PLCG2: variants seen among roughly 807,000 people sequenced by gnomAD.
PLCG2 encodes 1-phosphatidylinositol 4,5-bisphosphate phosphodiesterase gamma-2.
A neutral mutation model predicts 175.6 loss-of-function variants in PLCG2; 69 were observed. That is an observed-to-expected ratio of 0.39 (90% CI 0.32 to 0.48). The LOEUF (loss-of-function observed/expected upper bound fraction) is 0.48, where lower values mean the gene tolerates loss of function less well. PLCG2 is among the 20% of genes least tolerant of loss of function. The probability of loss-of-function intolerance (pLI) is 0.91; values close to 1 mark genes in which losing one functional copy is unlikely to be tolerated. For missense variants in PLCG2, 1,798 were observed against 1,650.9 expected (o/e 1.09, Z -1.54); for synonymous variants, 827 against 624.0 (o/e 1.33, Z -4.85).
At chr16:81,745,278 G>C (rs1423840046) in intron 1 of PLCG2, among the ~76,000 whole-genome samples, 1 of 152,200 alleles carries the variant, frequency 6.6e-6, no homozygotes, top group East Asian at 1.9e-4. Context: ...TGACCCATGA[G>C]AGGTAAGGAG....
intron 2 of PLCG2, among the ~76,000 whole-genome samples, chr16:81,839,057 T>G (rs1216155356): frequency 6.6e-6 from 1 of 152,118 alleles, no homozygotes; most frequent in Non-Finnish European, 1.5e-5. Flanking sequence ...GACAACTATT[T>G]CTAGGTAGAA....
Position 81,870,856 on chromosome 16 carries a change from TAGG to T in PLCG2, c.572_574del (p.Gly191del), listed in dbSNP as rs763410656. On this transcript the variant is annotated inframe_deletion, in exon 7 of 33. Coordinates refer to ENST00000564138, the MANE Select transcript of PLCG2 (RefSeq NM_002661.5). ...TCACTTTTTTCATATTTACAGGAAA[TAGG>T]AGCACACAAAGATGAGCTCAGCTTT... 3.4e-5 allele frequency: 54 copies of T among 1,584,890 alleles called. No homozygotes were observed. The East Asian group carries it at 1.1e-3, about 32-fold the overall frequency.
At chr16:81,785,812 C>A (rs1363844357) in intron 1 of PLCG2, 131 bp from the exon 2 acceptor site, 3 of 598,624 alleles carry the variant, frequency 5.0e-6, no homozygotes, top group African/African-American at 3.7e-5. Flanking sequence ...CGATGCCTTG[C>A]CACTAGAACC....
chr16:81,768,327 C>G (rs985907593), intron 2 of PLCG2, among the ~76,000 whole-genome samples: 1 of 152,150 alleles, frequency 6.6e-6, no homozygotes, highest in Admixed American at 6.5e-5. Context: ...TGGGTTGTTT[C>G]CAGTTTGCAG....
At chr16:81,952,557 G>A (rs1911409372) in intron 31 of PLCG2, among the ~76,000 whole-genome samples, 1 of 152,088 alleles carries the variant, frequency 6.6e-6, no homozygotes, top group South Asian at 2.1e-4. Context: ...CACATCAAAG[G>A]GGCCTAGGAA....
At chr16:81,783,669 C>G (rs1010406457) in intron 1 of PLCG2, among the ~76,000 whole-genome samples, 13 of 152,282 alleles carry the variant, frequency 8.5e-5, no homozygotes, top group East Asian at 3.9e-4. Context: ...GAACCAGACA[C>G]AACAGGTGCT....
chr16:81,831,998 C>G (rs1219496699), intron 2 of PLCG2, among the ~76,000 whole-genome samples: 1 of 152,170 alleles, frequency 6.6e-6, no homozygotes, highest in Admixed American at 6.5e-5. Flanking sequence ...AGGCTGCTGT[C>G]TTGCTGGAGC....
At chr16:81,776,184 C>T (rs183808055), upstream of PLCG2, among the ~76,000 whole-genome samples, 1 of 150,034 alleles carries the variant, frequency 6.7e-6, no homozygotes, top group East Asian at 2.0e-4. Flanking sequence ...TCTCGGCTCA[C>T]TGCAAGCTCC....
intron 2 of PLCG2, among the ~76,000 whole-genome samples, chr16:81,769,393 A>AT (rs1363751721): frequency 2.6e-5 from 4 of 152,230 alleles, no homozygotes; most frequent in Middle Eastern, 6.8e-3. Flanking sequence ...TTAAATGCGG[A>AT]TCCCTAGGCC....
intron 7 of PLCG2, among the ~76,000 whole-genome samples, chr16:81,874,561 A>G (rs1907673810): frequency 6.6e-6 from 1 of 152,220 alleles, no homozygotes; most frequent in Non-Finnish European, 1.5e-5. Context: ...AGCACAGGGC[A>G]GAGAAAAGTA....
At chr16:81,844,955 G>C (rs958343353) in intron 2 of PLCG2, among the ~76,000 whole-genome samples, 1 of 152,056 alleles carries the variant, frequency 6.6e-6, no homozygotes, top group African/African-American at 2.4e-5. Flanking sequence ...TCTGAGACAG[G>C]GTCTTGCTCT....
chr16:81,859,537 G>A (rs1303281252), intron 5 of PLCG2, among the ~76,000 whole-genome samples: 1 of 147,392 alleles, frequency 6.8e-6, no homozygotes, highest in African/African-American at 2.5e-5. Flanking sequence ...AAACCAGGTG[G>A]TTCTTTTTTT....
At chr16:81,817,497 C>T (rs964766174) in intron 2 of PLCG2, among the ~76,000 whole-genome samples, 4 of 152,196 alleles carry the variant, frequency 2.6e-5, no homozygotes, top group South Asian at 2.1e-4. Flanking sequence ...TGGTTTTAAA[C>T]GCCTTTTGTC....
intron 2 of PLCG2, among the ~76,000 whole-genome samples, chr16:81,796,221 G>T (rs1438543619): frequency 1.3e-5 from 2 of 152,232 alleles, no homozygotes; most frequent in Non-Finnish European, 2.9e-5. Flanking sequence ...CTGCCCTCTT[G>T]GGTTTCTCTC....
chr16:81,794,991 T>C (rs1911402416), intron 2 of PLCG2, among the ~76,000 whole-genome samples: 1 of 152,232 alleles, frequency 6.6e-6, no homozygotes, highest in Non-Finnish European at 1.5e-5. Flanking sequence ...TTGCTTGTCT[T>C]GTTTTCAAGA....
chr16:81,766,577 A>G (rs921083006), intron 2 of PLCG2: 3 of 152,638 alleles, frequency 2.0e-5, no homozygotes, highest in African/African-American at 7.3e-5. Context: ...TTCCTCCCCC[A>G]TTATATTCAT....
chr16:81,849,958 G>A (rs1322531820), intron 2 of PLCG2, among the ~76,000 whole-genome samples: 1 of 152,172 alleles, frequency 6.6e-6, no homozygotes, highest in Non-Finnish European at 1.5e-5. Flanking sequence ...TACCTTTCAA[G>A]TTTTTAGATA....
At chr16:81,839,904 A>G (rs1452075165) in intron 2 of PLCG2, among the ~76,000 whole-genome samples, 3 of 152,186 alleles carry the variant, frequency 2.0e-5, no homozygotes, top group Non-Finnish European at 4.4e-5. Context: ...GAGAAAACTT[A>G]GGTAGGTGTG....
chr16:81,910,529 C>T lies in PLCG2; in HGVS notation c.1743C>T (p.Gly581=), dbSNP rs772593738. ...CGTCCTCTCCCCGCAGGCGGTCAGGCCGGGTCCAGCACTGCCGGATCCGCT... is the reference window on the plus strand; with the variant it reads ...CGTCCTCTCCCCGCAGGCGGTCAGGTCGGGTCCAGCACTGCCGGATCCGCT... The part of the protein sequence containing the change: ...NDYTLSFWRS[G]RVQHCRIRST... Residue 581 remains glycine (G), a synonymous_variant, in exon 18 of 33, where the codon GGC becomes GGT. Transcript: ENST00000564138. 17 of 1,613,760 alleles carry T rather than the reference C, an allele frequency of 1.1e-5. No homozygotes were observed. The South Asian group carries it at 1.6e-4, about 16-fold the overall frequency.
Sources: allele counts gnomAD v4.1 joint callset (sites outside exome capture counted in the v4.1 genomes callset), GRCh38; gene constraint gnomAD v4.1.1; transcripts MANE v1.5; gene names NCBI Gene and HGNC (gene_info 2026-07-23, HGNC 2026-07-21).